The following AP1G1 variants were observed in gnomAD, a reference collection of about 807,000 sequenced individuals.
AP1G1 encodes the protein AP-1 complex subunit gamma-1.
Under a neutral mutation model 108.3 loss-of-function variants are expected in AP1G1, and 7 were observed. That is an observed-to-expected ratio of 0.06 (90% confidence interval 0.04 to 0.12). The LOEUF (loss-of-function observed/expected upper bound fraction) is 0.12. Among genes scored for constraint, AP1G1 ranks in the 10% least tolerant of loss-of-function variants. The pLI, the probability that AP1G1 is intolerant of heterozygous loss-of-function variation, is 1.00. For missense variants in AP1G1, 756 were observed against 1,010.7 expected (o/e 0.75, Z 3.42); for synonymous variants, 379 against 353.5 (o/e 1.07, Z -0.81).
intron 1 of AP1G1, among the ~76,000 whole-genome samples, chr16:71,797,273 G>A (rs1409898677): frequency 2.0e-5 from 3 of 151,892 alleles, no homozygotes; most frequent in Admixed American, 6.6e-5. Flanking sequence ...GTTGAAGGAG[G>A]TTATCTGATG....
intron 1 of AP1G1, among the ~76,000 whole-genome samples, chr16:71,802,004 T>C (rs537515963): frequency 4.6e-5 from 7 of 150,924 alleles, no homozygotes; most frequent in African/African-American, 1.5e-4. Context: ...GATGTACAAG[T>C]GGTGTAACGC....
chr16:71,804,517 C>T (rs753293869), intron 1 of AP1G1, among the ~76,000 whole-genome samples: 1 of 151,754 alleles, frequency 6.6e-6, no homozygotes, highest in Non-Finnish European at 1.5e-5. Context: ...AAGCAATCCT[C>T]CCACCTGAGC....
At chr16:71,808,511 G>C (rs891971657) in intron 1 of AP1G1, 3 of 1,264,792 alleles carry the variant, frequency 2.4e-6, no homozygotes, top group Non-Finnish European at 3.1e-6. Flanking sequence ...GTACCGGCGG[G>C]GCAACGCCAC....
At chr16:71,740,779 A>C (rs1223201480) in intron 19 of AP1G1, among the ~76,000 whole-genome samples, 2 of 152,248 alleles carry the variant, frequency 1.3e-5, no homozygotes, top group African/African-American at 2.4e-5. Flanking sequence ...CTACTTTAGG[A>C]TAGACAGTAG....
At chr16:71,734,830 T>C (rs1024470595) in intron 21 of AP1G1, 123 bp from the exon 22 acceptor site, 4 of 727,972 alleles carry the variant, frequency 5.5e-6, no homozygotes, top group Non-Finnish European at 9.5e-6. Flanking sequence ...TACTAAGTTT[T>C]GCCTACTACT....
rs972483147 is a variant in AP1G1 at position 71,729,871 on chromosome 16, T to C, written c.*3187A>G. The C allele has an allele frequency of 6.6e-6, 1 of 152,624 alleles. No individual in the cohort carries two copies. The highest frequency in any genetic ancestry group is 2.4e-5 in the African/African-American group (1 of 41,464). 9.5% of individuals were successfully genotyped at this position (152,624 alleles called of 1,614,324 possible). ...TAGACACATTCAAACTCCTTTCCCC[T>C]AGTTCTCATGGCCCAAATATTTTCC... is the stretch of plus-strand genomic sequence containing the variant. On this transcript the variant is annotated 3_prime_UTR_variant, in exon 23 of 23. Transcript: ENST00000299980.
intron 6 of AP1G1, chr16:71,766,331 T>C: frequency 2.6e-6 from 1 of 379,988 alleles, no homozygotes; most frequent in Non-Finnish European, 5.5e-6. Flanking sequence ...TTCCTTATAA[T>C]CAGGAATTTC....
intron 13 of AP1G1, among the ~76,000 whole-genome samples, chr16:71,750,636 G>C (rs961603446): frequency 6.6e-6 from 1 of 151,514 alleles, no homozygotes; most frequent in East Asian, 2.0e-4. Flanking sequence ...GGGTGGTCTC[G>C]AACTCCTGAC....
chr16:71,756,920 G>A (rs1225767842), intron 11 of AP1G1, among the ~76,000 whole-genome samples: 2 of 131,490 alleles, frequency 1.5e-5, no homozygotes, highest in Non-Finnish European at 3.1e-5. Flanking sequence ...AACAGAGTGA[G>A]ACTCTGTCTC....
intron 2 of AP1G1, among the ~76,000 whole-genome samples, chr16:71,782,848 A>G (rs1448642581): frequency 2.0e-5 from 3 of 152,078 alleles, no homozygotes; most frequent in Non-Finnish European, 4.4e-5. Flanking sequence ...TCTTCTGGTG[A>G]TTACTGAAAC....
At chr16:71,797,440 T>A (rs9940990) in intron 1 of AP1G1, among the ~76,000 whole-genome samples, 52,074 of 151,850 alleles carry the variant, frequency 0.34, 9,735 homozygotes, top group East Asian at 0.76. Context: ...TAGTAAGGTG[T>A]CATTCATTCC....
chr16:71,765,606 CA>C (rs555888385), intron 6 of AP1G1, 22 bp from the exon 7 acceptor site: 1 of 1,559,370 alleles, frequency 6.4e-7, no homozygotes, highest in Non-Finnish European at 8.8e-7. Context: ...AAAGATGCAT[CA>C]AAAAACAGTG....
chr16:71,740,969 G>C (rs549803243), intron 19 of AP1G1, among the ~76,000 whole-genome samples: 1 of 152,288 alleles, frequency 6.6e-6, no homozygotes, highest in Admixed American at 6.5e-5. Context: ...GTGGTATAAA[G>C]TGGGGTGGGA....
chr16:71,761,685 AG>A (rs2031091734), intron 9 of AP1G1, 118 bp from the exon 10 acceptor site: 1 of 749,514 alleles, frequency 1.3e-6, no homozygotes, highest in Non-Finnish European at 2.2e-6. Context: ...AAAAAAAAAA[AG>A]GAGCTGGGTG....
rs753533119 is a variant in AP1G1 at position 71,739,279 on chromosome 16, A to G, written c.2062T>C (p.Leu688=). Residue 688 remains leucine, a synonymous_variant, in exon 20 of 23, where the codon TTG becomes CTG. Transcript: ENST00000299980. The stretch of plus-strand genomic sequence containing the variant: ...AGAGGCTGTGATGAAAGCCCATCCA[A>G]CAAGAAGGGGGGCTGGGATATCTGT... ...VPQISQPPFL[L]DGLSSQPLFN... The G allele has an allele frequency of 1.9e-6, 3 of 1,613,294 alleles. No homozygotes were observed. The highest frequency in any genetic ancestry group is 1.7e-6 in the Non-Finnish European group (2 of 1,179,804).
chr16:71,743,772 CCT>C (rs527547983), intron 19 of AP1G1, among the ~76,000 whole-genome samples: 10 of 149,278 alleles, frequency 6.7e-5, no homozygotes, highest in Admixed American at 2.0e-4. Flanking sequence ...ATGGTGAAAC[CCT>C]GTCTCTCCTA....
intron 1 of AP1G1, among the ~76,000 whole-genome samples, chr16:71,800,284 T>A (rs1349186228): frequency 7.0e-6 from 1 of 142,282 alleles, no homozygotes; most frequent in African/African-American, 2.7e-5. Context: ...GGCAGGAGAA[T>A]GGCGTGAACC....
Position 71,729,620 on chromosome 16 carries a change from C to A in AP1G1, c.*3438G>T, listed in dbSNP as rs2045459706. 1 of 152,540 alleles carries A rather than the reference C, an allele frequency of 6.6e-6. No homozygotes were observed. The highest frequency in any genetic ancestry group is 6.5e-5 in the Admixed American group (1 of 15,274). 9.4% of individuals were successfully genotyped at this position (152,540 alleles called of 1,614,324 possible). A position where few individuals can be genotyped will look rare whatever the true frequency, so the allele number is the denominator to read the frequency against. On this transcript the variant is annotated 3_prime_UTR_variant, in exon 23 of 23. Transcript: ENST00000299980. The stretch of plus-strand genomic sequence containing the variant: ...TTGAAAAAGTTATTCACTTCCAGTT[C>A]TACAAGCAGCCCCACTCTCCCGAGC...
chr16:71,808,245 G>C, intron 1 of AP1G1: 4 of 1,072,280 alleles, frequency 3.7e-6, no homozygotes, highest in South Asian at 2.1e-5. Context: ...AAAGAAGTTG[G>C]TCGGAAGGTT....
Sources: gnomAD v4.1 joint callset for allele counts (sites outside exome capture counted in the v4.1 genomes callset) on GRCh38, gnomAD v4.1.1 for gene constraint, MANE v1.5 for transcripts, NCBI Gene and HGNC (gene_info 2026-07-23, HGNC 2026-07-21) for gene names.